The following PLCL1 variants were observed in gnomAD, a reference collection of about 807,000 sequenced individuals.
The protein encoded by PLCL1 is inactive phospholipase C-like protein 1.
In PLCL1, 41 loss-of-function variants were observed where a neutral mutation model predicts 84.4. The ratio of observed to expected loss-of-function variants is 0.49; its 90% CI spans 0.38 to 0.63. The LOEUF (loss-of-function observed/expected upper bound fraction) is 0.63, where lower values mean the gene tolerates loss of function less well. Ranked by LOEUF, PLCL1 falls within the 30% of genes least tolerant of loss-of-function variation. The pLI, the probability that PLCL1 is intolerant of heterozygous loss-of-function variation, is 0.00. For missense variants in PLCL1, 1,206 were observed against 1,367.8 expected, an observed-to-expected ratio of 0.88 and a Z score of 1.87; for synonymous variants, 490 against 488.3, an observed-to-expected ratio of 1.00 and a Z score of -0.05.
chr2:198,013,747 G>T (rs1690924781), intron 1 of PLCL1, among the ~76,000 whole-genome samples: 1 of 152,132 alleles, frequency 6.6e-6, no homozygotes, highest in East Asian at 1.9e-4. Context: ...TGCAGCTGGG[G>T]ATTTAAACAT....
intron 1 of PLCL1, among the ~76,000 whole-genome samples, chr2:198,022,767 A>G (rs2105841199): frequency 6.6e-6 from 1 of 152,318 alleles, no homozygotes; most frequent in South Asian, 2.1e-4. Context: ...ACAAATAGAA[A>G]AACTTTCCAT....
intron 5 of PLCL1, among the ~76,000 whole-genome samples, chr2:198,132,763 T>C (rs953908902): frequency 6.6e-6 from 1 of 152,064 alleles, no homozygotes; most frequent in Non-Finnish European, 1.5e-5. Context: ...GAAAATTTTC[T>C]CCCATGTTGT....
intron 1 of PLCL1, among the ~76,000 whole-genome samples, chr2:197,876,719 A>T (rs981656780): frequency 6.6e-6 from 1 of 152,106 alleles, no homozygotes; most frequent in African/African-American, 2.4e-5. Context: ...CAGTGAATCT[A>T]AAGTGCTGAG....
At chr2:198,056,975 A>G (rs1302542417) in intron 1 of PLCL1, among the ~76,000 whole-genome samples, 2 of 152,186 alleles carry the variant, frequency 1.3e-5, no homozygotes, top group African/African-American at 4.8e-5. Flanking sequence ...GCTTGAGGAT[A>G]TAGCACATTT....
chr2:198,120,485 C>A (rs1163949081), intron 5 of PLCL1, among the ~76,000 whole-genome samples: 2 of 151,982 alleles, frequency 1.3e-5, no homozygotes, highest in Non-Finnish European at 2.9e-5. Flanking sequence ...CCCTTCCCAG[C>A]CTCTAGTAAC....
At chr2:197,814,412 A>C (rs1033638873) in intron 1 of PLCL1, among the ~76,000 whole-genome samples, 1 of 152,208 alleles carries the variant, frequency 6.6e-6, no homozygotes, top group African/African-American at 2.4e-5. Flanking sequence ...CATATAATAC[A>C]GCGAACTTAA....
chr2:197,973,769 A>G (rs921913902), intron 1 of PLCL1, among the ~76,000 whole-genome samples: 2 of 152,214 alleles, frequency 1.3e-5, no homozygotes, highest in Admixed American at 1.3e-4. Context: ...CGTGAGGTCA[A>G]GTGGGCCTTG....
At chr2:198,088,334 T>A (rs185935071) in intron 2 of PLCL1, among the ~76,000 whole-genome samples, 1 of 152,262 alleles carries the variant, frequency 6.6e-6, no homozygotes, top group East Asian at 1.9e-4. Flanking sequence ...TGTAAAATAG[T>A]CATAATTTCT....
At chr2:197,969,664 T>C (rs1181336111) in intron 1 of PLCL1, among the ~76,000 whole-genome samples, 1 of 151,826 alleles carries the variant, frequency 6.6e-6, no homozygotes, top group Admixed American at 6.6e-5. Flanking sequence ...TATTTCCAGC[T>C]CTCAGTCTTC....
At chr2:198,077,343 A>C (rs1343469923) in intron 1 of PLCL1, among the ~76,000 whole-genome samples, 2 of 152,090 alleles carry the variant, frequency 1.3e-5, no homozygotes, top group East Asian at 3.9e-4. Context: ...ATAATAAAAA[A>C]TAATAATAAT....
At chr2:198,112,203 T>C (rs1028714531) in intron 5 of PLCL1, among the ~76,000 whole-genome samples, 2 of 151,886 alleles carry the variant, frequency 1.3e-5, no homozygotes, top group Non-Finnish European at 2.9e-5. Context: ...CCATCTCCTA[T>C]GAGCTTGGTT....
At chr2:197,943,243 T>G (rs1342055875) in intron 1 of PLCL1, among the ~76,000 whole-genome samples, 4 of 151,828 alleles carry the variant, frequency 2.6e-5, no homozygotes, top group African/African-American at 7.3e-5. Context: ...TTCTCTGCAG[T>G]TGTCTGTAAT....
At chr2:198,068,897 CAGTGG>C (rs1291469317) in intron 1 of PLCL1, among the ~76,000 whole-genome samples, 1 of 151,956 alleles carries the variant, frequency 6.6e-6, no homozygotes, top group Non-Finnish European at 1.5e-5. Flanking sequence ...GTGGCAGGCG[CAGTGG>C]CAGGCACCTG....
chr2:198,132,551 A>T (rs1694144987), intron 5 of PLCL1, among the ~76,000 whole-genome samples: 1 of 152,092 alleles, frequency 6.6e-6, no homozygotes, highest in African/African-American at 2.4e-5. Context: ...CTAGATACTG[A>T]TAGTTTGATT....
At position 198,043,917 on chromosome 2, in the gene PLCL1, G is replaced by T. The variant is rs765323572; in HGVS notation, c.241-39841G>T. On this transcript the variant is annotated intron_variant, in intron 1 of 5. Transcript: ENST00000428675. ...TTTTTTTTAAATGAGAGGCTAATTT[G>T]TCACACATTTCTTTTACTTTCTCTG... Among the ~76,000 whole-genome samples the T allele has an allele frequency of 3.9e-3, 413 of 106,020 alleles. 1 individual carries two copies. Among genetic ancestry groups the T allele is most frequent in the Non-Finnish European group, 4.8e-3 (238 of 49,910 alleles). The allele number at this position is 106,020 out of a possible 152,430, so 69.6% of individuals were successfully genotyped here.
chr2:197,983,251 T>C (rs1477724492), intron 1 of PLCL1, among the ~76,000 whole-genome samples: 2 of 128,188 alleles, frequency 1.6e-5, no homozygotes, highest in African/African-American at 5.8e-5. Context: ...AGACAGGGTC[T>C]TGCTCTGTTG....
chr2:198,126,868 A>C (rs1050006391), intron 5 of PLCL1, among the ~76,000 whole-genome samples: 3 of 152,102 alleles, frequency 2.0e-5, no homozygotes, highest in Non-Finnish European at 4.4e-5. Context: ...GCACCTCTGC[A>C]CATCGGCCTG....
Position 197,866,161 on chromosome 2 carries a change from A to ATATATATATATAAAC in PLCL1, c.240+60835_240+60849dup, listed in dbSNP as rs1687535918. 3.1e-5 allele frequency among the ~76,000 whole-genome samples: 2 copies of ATATATATATATAAAC among 65,214 alleles called. 1 individual carries two copies. The highest frequency in any genetic ancestry group is 5.4e-5 in the Non-Finnish European group (2 of 37,222). The allele number at this position is 65,214 out of a possible 152,430, so 42.8% of individuals were successfully genotyped here. Reference sequence around the variant, plus strand: ...TATAAACTATATATATATATAAACTATATATATATATAAACTATATATATA... The same window carrying ATATATATATATAAAC: ...TATAAACTATATATATATATAAACTATATATATATATAAACTATATATATATAAACTATATATATA... On this transcript the variant is annotated intron_variant, in intron 1 of 5. Transcript: ENST00000428675.
chr2:198,013,947 T>C (rs1690930706), intron 1 of PLCL1, among the ~76,000 whole-genome samples: 1 of 152,072 alleles, frequency 6.6e-6, no homozygotes, highest in South Asian at 2.1e-4. Flanking sequence ...GACTATAAAG[T>C]AGTGAACTCT....
Sources: allele counts gnomAD v4.1 joint callset (sites outside exome capture counted in the v4.1 genomes callset), GRCh38; gene constraint gnomAD v4.1.1; transcripts MANE v1.5; gene names NCBI Gene and HGNC (gene_info 2026-07-23, HGNC 2026-07-21).